CRACR2A: variants seen among roughly 807,000 people sequenced by gnomAD.
CRACR2A encodes the protein EF-hand calcium-binding domain-containing protein 4B.
A neutral mutation model predicts 90.5 loss-of-function variants in CRACR2A; 79 were observed. The observed-to-expected ratio is 0.87, with a 90% CI of 0.73 to 1.05. The LOEUF is 1.05. Among genes scored for constraint, CRACR2A ranks in the 50% least tolerant of loss-of-function variants. CRACR2A has a pLI of 0.00. For synonymous variants in CRACR2A, 338 were observed against 356.7 expected (o/e 0.95, Z 0.59); for missense variants, 823 against 897.2 (o/e 0.92, Z 1.06).
At position 3,659,599 on chromosome 12, in the gene CRACR2A, G is replaced by T. The variant is rs755398116; in HGVS notation, c.727C>A (p.Gln243Lys). Residue 243 changes from glutamine (Q) to lysine (K), a missense_variant, in exon 8 of 20, where the codon CAA becomes AAA. Gln to Lys is a moderately conservative substitution (Grantham distance 53, BLOSUM62 1). Transcript: ENST00000440314. Reference protein sequence around the residue: ...IQHLYEEMEQQIKSEKEQFLL... With the variant: ...IQHLYEEMEQKIKSEKEQFLL... ...AACTGCTCCTTCTCACTTTTGATTT[G>T]TTGTTCCATCTCCTCATAGAGATGC... 1 of 1,614,140 alleles carries T rather than the reference G, an allele frequency of 6.2e-7. No individual in the cohort carries two copies. The highest frequency in any genetic ancestry group is 8.5e-7 in the Non-Finnish European group (1 of 1,180,018).
chr12:3,709,296 A>T (rs1035880807), intron 3 of CRACR2A, among the ~76,000 whole-genome samples: 3 of 152,372 alleles, frequency 2.0e-5, no homozygotes, highest in Non-Finnish European at 2.9e-5. Flanking sequence ...TAAGGAAATG[A>T]AAGTCAGCTA....
At position 3,746,413 on chromosome 12, in the gene CRACR2A, C is replaced by G. The variant is rs1195140491; in HGVS notation, c.-387+6602G>C. Among the ~76,000 whole-genome samples, 1 of 151,918 alleles carries G rather than the reference C, an allele frequency of 6.6e-6. No homozygotes were observed. Among genetic ancestry groups the G allele is most frequent in the Non-Finnish European group, 1.5e-5 (1 of 67,986 alleles). ...CTCCCTCTTCCCCACCCTTCCTCCA[C>G]CCTCCCTCTCCCTTCTTCCTCTCCC... is the stretch of plus-strand genomic sequence containing the variant. On this transcript the variant is annotated intron_variant, in intron 1 of 19. Transcript: ENST00000440314. This position sits in a 1 kb window ranked among gnomAD's most constrained non-coding sequence, Gnocchi z 4.4.
chr12:3,643,813 AT>A (rs1339443070), intron 12 of CRACR2A, among the ~76,000 whole-genome samples: 59 of 107,020 alleles, frequency 5.5e-4, no homozygotes, highest in Non-Finnish European at 8.6e-4. Flanking sequence ...TATTATATAT[AT>A]ATTTATATTA....
At position 3,720,971 on chromosome 12, in the gene CRACR2A, G is replaced by A. The variant is rs189283663; in HGVS notation, c.-117-7654C>T. On this transcript the variant is annotated intron_variant, in intron 2 of 19. Transcript: ENST00000440314. ...GGATGCAGAACTCACTTTATTACCC[G>A]CCTGTGGCTCAGCCACTTGTTGAAT... Among the ~76,000 whole-genome samples the A allele has an allele frequency of 6.4e-4, 98 of 152,272 alleles. 2 individuals are homozygous for A. The East Asian group carries it at 8.1e-3, about 13-fold the overall frequency.
At chr12:3,666,391 G>A (rs750114159) in intron 7 of CRACR2A, among the ~76,000 whole-genome samples, 4 of 151,832 alleles carry the variant, frequency 2.6e-5, no homozygotes, top group Middle Eastern at 3.4e-3. Flanking sequence ...GCGCGCACAC[G>A]CTCATGTGTA....
At chr12:3,650,430 C>T (rs1262761279) in intron 10 of CRACR2A, among the ~76,000 whole-genome samples, 1 of 152,162 alleles carries the variant, frequency 6.6e-6, no homozygotes, top group Admixed American at 6.5e-5. Flanking sequence ...CTGGCTCCTG[C>T]AGAGATGCAA....
intron 1 of CRACR2A, among the ~76,000 whole-genome samples, chr12:3,737,428 C>T (rs1249606483): frequency 6.6e-6 from 1 of 152,094 alleles, no homozygotes; most frequent in Non-Finnish European, 1.5e-5. Context: ...GAGGAAATCA[C>T]TAAAGTTAAA....
At chr12:3,668,613 A>G (rs988602624) in intron 7 of CRACR2A, among the ~76,000 whole-genome samples, 4 of 152,178 alleles carry the variant, frequency 2.6e-5, no homozygotes, top group African/African-American at 7.2e-5. Flanking sequence ...ACATGATGAC[A>G]TCTCTTCCCT....
chr12:3,714,289 C>T (rs533207641), intron 2 of CRACR2A, among the ~76,000 whole-genome samples: 9 of 152,284 alleles, frequency 5.9e-5, no homozygotes, highest in African/African-American at 2.2e-4. Context: ...GCTTATATTC[C>T]AGTGGGCAGA....
chr12:3,727,346 C>T (rs1375551105), intron 2 of CRACR2A: 1 of 152,072 alleles, frequency 6.6e-6, no homozygotes, highest in African/African-American at 2.4e-5. Context: ...TATCATTGTA[C>T]TACAAATATA....
intron 3 of CRACR2A, among the ~76,000 whole-genome samples, chr12:3,705,862 A>G (rs1452448245): frequency 2.0e-5 from 3 of 152,010 alleles, no homozygotes; most frequent in African/African-American, 7.2e-5. Flanking sequence ...TTAACAATCA[A>G]TTTTCTGGGT....
chr12:3,635,640 T>C (rs965413403), intron 14 of CRACR2A, among the ~76,000 whole-genome samples: 2 of 152,146 alleles, frequency 1.3e-5, no homozygotes, highest in African/African-American at 4.8e-5. Flanking sequence ...GGAGTAGCTA[T>C]GACTACAGGT....
chr12:3,686,306 A>G (rs1945552144), intron 4 of CRACR2A, among the ~76,000 whole-genome samples: 1 of 152,228 alleles, frequency 6.6e-6, no homozygotes, highest in Non-Finnish European at 1.5e-5. Flanking sequence ...CTGCCACTGC[A>G]GTGTGAAAGT....
chr12:3,645,442 C>G (rs543668297), intron 11 of CRACR2A, among the ~76,000 whole-genome samples: 1 of 152,266 alleles, frequency 6.6e-6, no homozygotes, highest in Admixed American at 6.5e-5. Context: ...TGTCTCTTCA[C>G]AGCCCTGTGG....
At chr12:3,665,187 C>A (rs1945108939) in intron 7 of CRACR2A, among the ~76,000 whole-genome samples, 1 of 152,200 alleles carries the variant, frequency 6.6e-6, no homozygotes, top group Non-Finnish European at 1.5e-5. Context: ...AAGAGAAGGA[C>A]AAAGATGTGG....
intron 2 of CRACR2A, among the ~76,000 whole-genome samples, chr12:3,717,866 G>A (rs1038701488): frequency 5.9e-5 from 9 of 152,138 alleles, no homozygotes; most frequent in African/African-American, 1.4e-4. Flanking sequence ...ATTCCAACTC[G>A]GTGGTGTGGC....
chr12:3,698,238 C>T (rs1269083275), intron 3 of CRACR2A, among the ~76,000 whole-genome samples: 2 of 152,102 alleles, frequency 1.3e-5, no homozygotes, highest in Non-Finnish European at 2.9e-5. Flanking sequence ...TTTAAATACA[C>T]GATGACATTT....
At chr12:3,717,244 C>A (rs764630293) in intron 2 of CRACR2A, among the ~76,000 whole-genome samples, 1 of 152,170 alleles carries the variant, frequency 6.6e-6, no homozygotes, top group Non-Finnish European at 1.5e-5. Context: ...TCTAGCCTAT[C>A]CTGGGACTTC....
chr12:3,632,008 C>T (rs1311858349), intron 15 of CRACR2A, among the ~76,000 whole-genome samples: 1 of 152,082 alleles, frequency 6.6e-6, no homozygotes, highest in East Asian at 1.9e-4. Flanking sequence ...AATTATAATC[C>T]CCAGTGTTGG....
Sources: allele counts gnomAD v4.1 joint callset (sites outside exome capture counted in the v4.1 genomes callset), GRCh38; gene constraint gnomAD v4.1.1; non-coding constraint Gnocchi (gnomAD v3.1); transcripts MANE v1.5; gene names NCBI Gene and HGNC (gene_info 2026-07-23, HGNC 2026-07-21).